USP42: variants seen among roughly 807,000 people sequenced by gnomAD.
The protein encoded by USP42 is ubiquitin carboxyl-terminal hydrolase 42.
USP42 carries 23 observed loss-of-function variants against 113.0 expected under a neutral mutation model. The ratio of observed to expected loss-of-function variants is 0.20; its 90% CI spans 0.15 to 0.29. The LOEUF (loss-of-function observed/expected upper bound fraction) is 0.29, where lower values mean the gene tolerates loss of function less well. Among genes scored for constraint, USP42 ranks in the 10% least tolerant of loss-of-function variants. The probability of loss-of-function intolerance (pLI) is 1.00; values close to 1 mark genes in which losing one functional copy is unlikely to be tolerated. For synonymous variants in USP42, 933 were observed against 699.0 expected (o/e 1.33, Z -5.28); for missense variants, 2,174 against 1,779.8 (o/e 1.22, Z -3.99).
At chr7:6,110,455 A>G (rs1348530882) in intron 1 of USP42, among the ~76,000 whole-genome samples, 1 of 152,212 alleles carries the variant, frequency 6.6e-6, no homozygotes. Context: ...CAGAAAGAAA[A>G]TTATAATCAA....
chr7:6,093,814 G>T, the USP42 span, among the ~76,000 whole-genome samples: 3 of 150,482 alleles, frequency 2.0e-5, no homozygotes, highest in Non-Finnish European at 2.9e-5. Flanking sequence ...TTTCATAGTG[G>T]TTGTAAAATC....
rs758322239 is a variant in USP42, at chr7:6,147,849, C to T, written c.1343C>T (p.Ala448Val). The change falls in exon 12 of 18, where the codon GCG becomes GTG. Residue 448 changes from alanine to valine, a missense_variant. By Grantham distance (64) the Ala-to-Val change is moderately conservative. Coordinates refer to ENST00000306177, the MANE Select transcript of USP42 (RefSeq NM_032172.3). ...CGGGTTGTCACCAACAAACAGGCTG[C>T]GCCAGGCTTTATCGGACCACAGCTT... ...SQRVVTNKQA[A>V]PGFIGPQLPS... is the part of the protein sequence containing the mutation. The T allele has an allele frequency of 1.1e-5, 18 of 1,612,998 alleles. No individual in the cohort carries two copies. Among genetic ancestry groups the T allele is most frequent in the East Asian group, 2.2e-5 (1 of 44,850 alleles).
Position 6,159,442 on chromosome 7 carries a change from C to T in USP42, c.3944-8C>T. 1 of 1,614,004 alleles carries T rather than the reference C, an allele frequency of 6.2e-7. No individual in the cohort carries two copies. The highest frequency in any genetic ancestry group is 8.5e-7 in the Non-Finnish European group (1 of 1,179,888). The stretch of plus-strand genomic sequence containing the variant: ...ATTAAAATCTCTTTCCTGACCTTTG[C>T]TTTCTAGGTGATTGAAAACTCAGCC... On this transcript the variant is annotated splice_polypyrimidine_tract_variant and splice_region_variant and intron_variant, in intron 16 of 17. Transcript: ENST00000306177. The surrounding 1 kb of genome is among the most constrained non-coding windows in gnomAD (Gnocchi z 4.1).
rs180986269 is a variant in USP42, at chr7:6,150,910, C to T, written c.2201+404C>T. Among the ~76,000 whole-genome samples, 74 of 152,302 alleles carry T rather than the reference C, an allele frequency of 4.9e-4. No homozygotes were observed. In the East Asian group the frequency reaches 0.014, roughly 29 times the overall value. On this transcript the variant is annotated intron_variant, in intron 14 of 17. Coordinates refer to ENST00000306177, the MANE Select transcript of USP42 (RefSeq NM_032172.3). ...CATACAGACATCCGTCCGTCCACAA[C>T]AGGGATGCCTTCTGAGAAATGCATC... is the stretch of plus-strand genomic sequence containing the variant.
intron 1 of USP42, among the ~76,000 whole-genome samples, chr7:6,105,376 G>C (rs1251942338): frequency 2.7e-5 from 4 of 149,056 alleles, no homozygotes; most frequent in African/African-American, 9.7e-5. Context: ...CCGCCCCTTC[G>C]GCCTGGGGGC....
intron 4 of USP42, among the ~76,000 whole-genome samples, chr7:6,136,282 G>C (rs1781144467): frequency 6.6e-6 from 1 of 152,020 alleles, no homozygotes; most frequent in South Asian, 2.1e-4. Context: ...GGGATTACAG[G>C]CGTGAGCCAC....
the USP42 span, among the ~76,000 whole-genome samples, chr7:6,095,386 G>A: frequency 2.0e-5 from 3 of 151,250 alleles, no homozygotes; most frequent in East Asian, 3.9e-4. Flanking sequence ...AATGGCCAGA[G>A]GGGCCGGGTG....
rs763365997 is a variant in USP42, at chr7:6,111,172, A to C, written c.39A>C (p.Pro13=). The C allele has an allele frequency of 6.2e-7, 1 of 1,613,298 alleles. No homozygotes were observed. Among genetic ancestry groups the C allele is most frequent in the South Asian group, 1.1e-5 (1 of 90,954 alleles). The part of the protein sequence containing the change: ...IVDKASESSD[P]SAYQNQPGSS... ...ACAAAGCTTCTGAATCTTCAGACCC[A>C]TCAGCCTATCAGAATCAGCCTGGCA... The change falls in exon 2 of 18, where the codon CCA becomes CCC. Residue 13 remains proline (P), a synonymous_variant. Coordinates refer to ENST00000306177, the MANE Select transcript of USP42 (RefSeq NM_032172.3).
At chr7:6,142,319 C>A (rs867535828) in intron 7 of USP42, among the ~76,000 whole-genome samples, 1 of 151,278 alleles carries the variant, frequency 6.6e-6, no homozygotes, top group East Asian at 1.9e-4. Flanking sequence ...TGGGTTCAGG[C>A]GATTCTTCTG....
intron 2 of USP42, among the ~76,000 whole-genome samples, chr7:6,112,102 TTTTG>T (rs1779628076): frequency 1.3e-5 from 2 of 152,168 alleles, no homozygotes; most frequent in African/African-American, 4.8e-5. Flanking sequence ...TTGTTTTTGT[TTTTG>T]TTTTTTTCCT....
At chr7:6,091,211 T>TTTCTC in the USP42 span, among the ~76,000 whole-genome samples, 1 of 150,974 alleles carries the variant, frequency 6.6e-6, no homozygotes, top group South Asian at 2.1e-4. Flanking sequence ...ACACTTTTCT[T>TTTCTC]TTCTCTTCTC....
upstream of USP42, among the ~76,000 whole-genome samples, chr7:6,103,592 G>C (rs1306295438): frequency 6.6e-6 from 1 of 150,544 alleles, no homozygotes; most frequent in Non-Finnish European, 1.5e-5. Context: ...GCACCGGTGG[G>C]GTCAGGCGGA....
Position 6,154,634 on chromosome 7 carries a change from G to T in USP42, c.3080G>T (p.Gly1027Val), listed in dbSNP as rs369773451. The change falls in exon 15 of 18, where the codon GGG (glycine) becomes GTG (valine). Residue 1027 changes from glycine (G) to valine (V), a missense_variant. By Grantham distance (109) the Gly-to-Val change is moderately radical. Transcript: ENST00000306177. ...CACCACCACTCCCGACACCGGAGCG[G>T]GGTGGAGCTGGACTGGGTCAGACAC... The part of the protein sequence containing the change: ...CSHHHSRHRS[G>V]VELDWVRHHY... 4 of 1,602,988 alleles carry T rather than the reference G, an allele frequency of 2.5e-6. No homozygotes were observed. Among genetic ancestry groups the T allele is most frequent in the Non-Finnish European group, 3.4e-6 (4 of 1,176,106 alleles).
intron 15 of USP42, among the ~76,000 whole-genome samples, chr7:6,155,980 C>T (rs1006807770): frequency 1.3e-5 from 2 of 152,176 alleles, no homozygotes; most frequent in African/African-American, 4.8e-5. Flanking sequence ...TGTTCTCAAA[C>T]CCCTAGACTC....
In USP42 at chr7:6,139,227, T is replaced by C. The variant is rs373068279; in HGVS notation, c.656+33T>C. The C allele has an allele frequency of 4.2e-5, 61 of 1,468,632 alleles. No homozygotes were observed. The highest frequency in any genetic ancestry group is 5.2e-5 in the Non-Finnish European group (56 of 1,076,224). 91.0% of individuals were successfully genotyped at this position (1,468,632 alleles called of 1,614,324 possible). ...CAACAGAGCGCCAGCCATGTCTTCA[T>C]TGGGGATCTCTGGTTGTAGTTTATT... On this transcript the variant is annotated intron_variant, in intron 5 of 17. Transcript: ENST00000306177. This position sits in a 1 kb window ranked among gnomAD's most constrained non-coding sequence, Gnocchi z 4.5.
Position 6,149,913 on chromosome 7 carries a change from T to G in USP42, c.1717T>G (p.Ser573Ala). The stretch of plus-strand genomic sequence containing the variant: ...GTCTACCTCGAACGCATCTACGATG[T>G]CAGTTTCTAGTAAAGTAACAAAACC... Reference protein sequence around the residue: ...VQSTSNASTMSVSSKVTKPIP... With the variant: ...VQSTSNASTMAVSSKVTKPIP... Residue 573 changes from serine (S) to alanine (A), a missense_variant, in exon 13 of 18, where the codon TCA (serine) becomes GCA (alanine). Physicochemically the swap from Ser to Ala is moderately conservative, Grantham distance 99 (BLOSUM62 1). Transcript: ENST00000306177. The G allele has an allele frequency of 1.2e-6, 2 of 1,614,030 alleles. No homozygotes were observed. The highest frequency in any genetic ancestry group is 2.2e-5 in the South Asian group (2 of 91,086).
the USP42 span, among the ~76,000 whole-genome samples, chr7:6,094,813 T>A: frequency 4.7e-5 from 7 of 150,158 alleles, no homozygotes; most frequent in African/African-American, 1.8e-4. Context: ...CTTGGCTTTT[T>A]TTTTTTTTTG....
At chr7:6,097,171 C>T in the USP42 span, among the ~76,000 whole-genome samples, 1 of 151,046 alleles carries the variant, frequency 6.6e-6, no homozygotes, top group Non-Finnish European at 1.5e-5. Flanking sequence ...CTGGCTTATA[C>T]ATGACAGCCA....
At chr7:6,083,635 A>G in the USP42 span, among the ~76,000 whole-genome samples, 3 of 150,578 alleles carry the variant, frequency 2.0e-5, 1 homozygote, top group African/African-American at 7.5e-5. Flanking sequence ...TATATGTAAC[A>G]CCAGAATATA....
Sources: allele counts gnomAD v4.1 joint callset (sites outside exome capture counted in the v4.1 genomes callset), GRCh38; gene constraint gnomAD v4.1.1; non-coding constraint Gnocchi (gnomAD v3.1); transcripts MANE v1.5; gene names NCBI Gene and HGNC (gene_info 2026-07-23, HGNC 2026-07-21).